Variants in TET3 observed in about 807,000 individuals in gnomAD.
The protein encoded by TET3 is tet methylcytosine dioxygenase 3, also known as methylcytosine dioxygenase TET3.
In TET3, 19 loss-of-function variants were observed where a neutral mutation model predicts 141.4. That is an observed-to-expected ratio of 0.13 (90% confidence interval 0.09 to 0.20). TET3 has a LOEUF of 0.20. Among genes scored for constraint, TET3 ranks in the 10% least tolerant of loss-of-function variants. TET3 has a pLI of 1.00. For missense variants in TET3, 1,874 were observed against 2,356.9 expected (o/e 0.80, Z 4.24); for synonymous variants, 1,043 against 980.9 (o/e 1.06, Z -1.18).
chr2:74,067,141 C>A (rs1688950717), intron 4 of TET3, among the ~76,000 whole-genome samples: 1 of 152,112 alleles, frequency 6.6e-6, no homozygotes, highest in Non-Finnish European at 1.5e-5. Context: ...CTCCTCTCCC[C>A]ACCTCTTCAC....
chr2:74,112,532 T>G (rs1691728302), downstream of TET3, among the ~76,000 whole-genome samples: 1 of 152,150 alleles, frequency 6.6e-6, no homozygotes. Context: ...CCAAGTTATC[T>G]AAAGCCAAAT....
At chr2:73,999,960 T>G (rs1030885778) in intron 2 of TET3, among the ~76,000 whole-genome samples, 1 of 152,016 alleles carries the variant, frequency 6.6e-6, no homozygotes, top group African/African-American at 2.4e-5. Flanking sequence ...CTGGGCTACT[T>G]CTCTGGTGTA....
chr2:74,089,885 T>G lies in TET3; in HGVS notation c.2889-12T>G. 6.2e-7 allele frequency: 1 copy of G among 1,614,012 alleles called. No individual in the cohort carries two copies. The highest frequency in any genetic ancestry group is 1.1e-5 in the South Asian group (1 of 91,090). Reference sequence around the variant, plus strand: ...TTGCATCTATATCCCTGACCTGTGCTGTGTGTTGCAGCCGGACCTGCGCTT... The same window carrying G: ...TTGCATCTATATCCCTGACCTGTGCGGTGTGTTGCAGCCGGACCTGCGCTT... On this transcript the variant is annotated splice_polypyrimidine_tract_variant and intron_variant, in intron 7 of 11. Coordinates refer to ENST00000409262, the MANE Select transcript of TET3 (RefSeq NM_001287491.2).
intron 4 of TET3, among the ~76,000 whole-genome samples, chr2:74,048,882 G>T (rs903902959): frequency 6.6e-6 from 1 of 152,214 alleles, no homozygotes; most frequent in African/African-American, 2.4e-5. Context: ...GGAGGATGGT[G>T]TCAGGGGCCA....
chr2:74,081,510 G>A (rs1332516801), intron 6 of TET3, among the ~76,000 whole-genome samples: 9 of 152,218 alleles, frequency 5.9e-5, no homozygotes, highest in Non-Finnish European at 5.9e-5. Context: ...TAGGTTTCCC[G>A]AGGTGAGCGT....
rs549670584 is a variant in TET3, at chr2:74,092,886, G to T, written c.3040-16G>T. 1 of 1,573,972 alleles carries T rather than the reference G, an allele frequency of 6.4e-7. No homozygotes were observed. The highest frequency in any genetic ancestry group is 8.6e-7 in the Non-Finnish European group (1 of 1,159,470). On this transcript the variant is annotated splice_polypyrimidine_tract_variant and intron_variant, in intron 8 of 11. Transcript: ENST00000409262. Reference sequence around the variant, plus strand: ...GCGGGGCTGCTCTGGATGTGTGACTGCCCCTCTCTCTGCAGGAAGAAGTGC... The same window carrying T: ...GCGGGGCTGCTCTGGATGTGTGACTTCCCCTCTCTCTGCAGGAAGAAGTGC...
chr2:74,042,868 A>C (rs932582117), intron 3 of TET3, among the ~76,000 whole-genome samples: 2 of 152,312 alleles, frequency 1.3e-5, no homozygotes, highest in Non-Finnish European at 1.5e-5. Flanking sequence ...GAGTTTCTTA[A>C]GATCTTCCTA....
chr2:74,028,605 T>C (rs1686507058), intron 3 of TET3, among the ~76,000 whole-genome samples: 1 of 152,216 alleles, frequency 6.6e-6, no homozygotes, highest in African/African-American at 2.4e-5. Context: ...GTTTTGTAGA[T>C]GTTTATAGTA....
At chr2:74,069,240 A>ACACT (rs1252804654) in intron 4 of TET3, among the ~76,000 whole-genome samples, 1 of 151,496 alleles carries the variant, frequency 6.6e-6, no homozygotes, top group Non-Finnish European at 1.5e-5. Context: ...AGTTGTCCTA[A>ACACT]CACTACACAT....
At chr2:74,109,061 G>C (rs1691640760), downstream of TET3, among the ~76,000 whole-genome samples, 1 of 152,142 alleles carries the variant, frequency 6.6e-6, no homozygotes, top group African/African-American at 2.4e-5. Context: ...ACAAAAGTGG[G>C]GTCACACTGT....
intron 2 of TET3, among the ~76,000 whole-genome samples, chr2:73,997,302 G>T (rs766372781): frequency 2.0e-5 from 3 of 152,212 alleles, no homozygotes; most frequent in Non-Finnish European, 2.9e-5. Context: ...TTCTTCTGGG[G>T]AGGACATGGG....
At position 74,048,291 on chromosome 2, in the gene TET3, A is replaced by C; in HGVS notation, c.2374A>C (p.Thr792Pro). 1.2e-6 allele frequency: 2 copies of C among 1,613,826 alleles called. No individual in the cohort carries two copies. Among genetic ancestry groups the C allele is most frequent in the Non-Finnish European group, 1.7e-6 (2 of 1,179,830 alleles). Reference protein sequence around the residue: ...ATPTKAENPLTPTLSGFLESP... With the variant: ...ATPTKAENPLPPTLSGFLESP... Reference sequence around the variant, plus strand: ...ACCCACCAAGGCTGAGAACCCACTCACACCCACCCTCAGTGGCTTCTTGGA... The same window carrying C: ...ACCCACCAAGGCTGAGAACCCACTCCCACCCACCCTCAGTGGCTTCTTGGA... Residue 792 changes from threonine to proline, a missense_variant, in exon 4 of 12, where the codon ACA becomes CCA. Physicochemically the swap from Thr to Pro is conservative, Grantham distance 38. This residue lies in a region of TET3 where 83 missense variants were observed against 107.0 expected (regional missense o/e 0.78). Coordinates refer to ENST00000409262, the MANE Select transcript of TET3 (RefSeq NM_001287491.2).
rs1690219718 is a variant in TET3 at position 74,087,351 on chromosome 2, TC to T, written c.2680-478del. ...TATTCCTAGGCATGGAATTGCTGGA[TC>T]ATATGGTAATCCTATGTTTAGCTTT... On this transcript the variant is annotated intron_variant, in intron 6 of 11. Coordinates refer to ENST00000409262, the MANE Select transcript of TET3 (RefSeq NM_001287491.2). This position sits in a 1 kb window ranked among gnomAD's most constrained non-coding sequence, Gnocchi z 4.3. Among the ~76,000 whole-genome samples the T allele has an allele frequency of 3.3e-5, 5 of 152,172 alleles. No individual in the cohort carries two copies. Among genetic ancestry groups the T allele is most frequent in the Admixed American group, 3.3e-4 (5 of 15,278 alleles).
intron 4 of TET3, among the ~76,000 whole-genome samples, chr2:74,060,633 A>C (rs1323127750): frequency 2.0e-5 from 3 of 152,234 alleles, no homozygotes; most frequent in Middle Eastern, 3.4e-3. Context: ...AAACAAGTGA[A>C]CAAAGGTCTC....
chr2:74,080,020 A>G (rs1666213315), intron 5 of TET3, among the ~76,000 whole-genome samples: 1 of 152,134 alleles, frequency 6.6e-6, no homozygotes, highest in South Asian at 2.1e-4. Context: ...CTTCTCCCCA[A>G]CCTCAGCTGT....
intron 4 of TET3, among the ~76,000 whole-genome samples, chr2:74,062,764 A>T (rs1688665441): frequency 6.6e-6 from 1 of 152,204 alleles, no homozygotes; most frequent in South Asian, 2.1e-4. Flanking sequence ...TAAAGATTGA[A>T]TTTAAGATTG....
intron 4 of TET3, among the ~76,000 whole-genome samples, chr2:74,071,867 C>G (rs34201525): frequency 0.23 from 34,414 of 152,130 alleles, 4,229 homozygotes; most frequent in Non-Finnish European, 0.28. Context: ...TTTTCTTTCA[C>G]TTAGAAAAAC....
At chr2:74,085,114 A>T (rs1487794776) in intron 6 of TET3, among the ~76,000 whole-genome samples, 2 of 151,846 alleles carry the variant, frequency 1.3e-5, no homozygotes, top group African/African-American at 4.8e-5. Context: ...CTTTGAAATG[A>T]TTAAAATGGT....
chr2:74,134,679 A>G, the TET3 span: 1 of 456,562 alleles, frequency 2.2e-6, no homozygotes, highest in Non-Finnish European at 4.4e-6. Context: ...GGGGGCAGTC[A>G]CAAGATGTCT....
Sources: allele counts gnomAD v4.1 joint callset (sites outside exome capture counted in the v4.1 genomes callset), GRCh38; gene constraint gnomAD v4.1.1; regional missense constraint gnomAD v4.1.1; non-coding constraint Gnocchi (gnomAD v3.1); transcripts MANE v1.5; gene names NCBI Gene and HGNC (gene_info 2026-07-23, HGNC 2026-07-21).